The following LCORL variants were observed in gnomAD, a reference collection of about 807,000 sequenced individuals.
LCORL encodes ligand-dependent nuclear receptor corepressor-like protein.
LCORL carries 41 observed loss-of-function variants against 141.8 expected under a neutral mutation model. That is an observed-to-expected ratio of 0.29 (90% confidence interval 0.23 to 0.38). The LOEUF (loss-of-function observed/expected upper bound fraction) is 0.38, where lower values mean the gene tolerates loss of function less well. LCORL is among the 10% of genes least tolerant of loss of function. LCORL has a pLI of 1.00. For missense variants in LCORL, 1,759 were observed against 2,035.0 expected, an observed-to-expected ratio of 0.86 and a Z score of 2.61; for synonymous variants, 618 against 694.1, an observed-to-expected ratio of 0.89 and a Z score of 1.72.
intron 4 of LCORL, among the ~76,000 whole-genome samples, chr4:17,940,408 T>C (rs1333590599): frequency 1.4e-5 from 2 of 147,946 alleles, no homozygotes; most frequent in Non-Finnish European, 3.0e-5. Context: ...GGAAACAAAC[T>C]ATATTAAAAT....
intron 7 of LCORL, among the ~76,000 whole-genome samples, chr4:17,872,602 C>G (rs1222888461): frequency 6.6e-6 from 1 of 152,092 alleles, no homozygotes; most frequent in African/African-American, 2.4e-5. Flanking sequence ...GTCAGTATAA[C>G]TGAGTAAAGG....
chr4:18,014,330 A>G (rs932801289), intron 1 of LCORL, among the ~76,000 whole-genome samples: 1 of 152,184 alleles, frequency 6.6e-6, no homozygotes, highest in South Asian at 2.1e-4. Context: ...CAAATGGGAG[A>G]TACTACAGCT....
At chr4:17,864,859 C>A (rs927789072) in intron 7 of LCORL, among the ~76,000 whole-genome samples, 2 of 152,114 alleles carry the variant, frequency 1.3e-5, no homozygotes, top group African/African-American at 4.8e-5. Context: ...TAGTAGTTAT[C>A]AGATAAATTA....
At chr4:17,964,698 C>T (rs1444010081) in intron 2 of LCORL, among the ~76,000 whole-genome samples, 4 of 152,120 alleles carry the variant, frequency 2.6e-5, no homozygotes, top group African/African-American at 9.7e-5. Flanking sequence ...TGGGACCTCA[C>T]GCTCATGTGA....
chr4:17,913,930 G>C (rs1292954496), intron 4 of LCORL, among the ~76,000 whole-genome samples: 1 of 152,142 alleles, frequency 6.6e-6, no homozygotes, highest in Non-Finnish European at 1.5e-5. Flanking sequence ...GCTTATGTTG[G>C]GAAATAAACT....
chr4:18,008,575 G>A (rs1423771108), intron 1 of LCORL, among the ~76,000 whole-genome samples: 1 of 152,122 alleles, frequency 6.6e-6, no homozygotes, highest in African/African-American at 2.4e-5. Context: ...AGAAAGACTT[G>A]GGCAAGTCAC....
chr4:17,982,115 T>C (rs1292281788), intron 1 of LCORL, among the ~76,000 whole-genome samples: 2 of 146,988 alleles, frequency 1.4e-5, no homozygotes, highest in East Asian at 2.0e-4. Flanking sequence ...TGTGTGTGTG[T>C]GTGTGTGTGT....
intron 1 of LCORL, among the ~76,000 whole-genome samples, chr4:17,980,480 A>T (rs973729291): frequency 2.6e-4 from 39 of 152,182 alleles, no homozygotes; most frequent in African/African-American, 8.9e-4. Flanking sequence ...TAGAATTGTG[A>T]TCCTCTTGTT....
intron 2 of LCORL, among the ~76,000 whole-genome samples, chr4:17,963,416 A>G (rs890343596): frequency 3.9e-5 from 6 of 151,992 alleles, no homozygotes; most frequent in Non-Finnish European, 8.8e-5. Context: ...TGGAGGAAAT[A>G]AACTTTGCAC....
intron 1 of LCORL, among the ~76,000 whole-genome samples, chr4:18,011,429 TAA>T (rs1301468567): frequency 6.0e-5 from 8 of 134,178 alleles, no homozygotes; most frequent in Non-Finnish European, 8.1e-5. Context: ...TTACCCATTT[TAA>T]AAAAAAAAAA....
intron 6 of LCORL, chr4:17,883,609 T>C: frequency 1.5e-6 from 2 of 1,376,466 alleles, no homozygotes; most frequent in Non-Finnish European, 1.9e-6. Context: ...GAGTGAGCAT[T>C]TGTAATTCCC....
chr4:18,000,056 C>T (rs747665507), intron 1 of LCORL, among the ~76,000 whole-genome samples: 22 of 151,160 alleles, frequency 1.5e-4, no homozygotes, highest in Non-Finnish European at 2.7e-4. Flanking sequence ...TAACTCTGCA[C>T]ATCTAACCGA....
intron 4 of LCORL, among the ~76,000 whole-genome samples, chr4:17,942,767 C>T (rs577570950): frequency 6.6e-6 from 1 of 152,094 alleles, no homozygotes; most frequent in East Asian, 1.9e-4. Flanking sequence ...TTATATATTT[C>T]TTGGAGACGT....
intron 2 of LCORL, among the ~76,000 whole-genome samples, chr4:17,968,976 C>CTAA (rs1406722158): frequency 6.6e-6 from 1 of 152,114 alleles, no homozygotes; most frequent in Admixed American, 6.5e-5. Context: ...TTCTACAGGC[C>CTAA]TAATGCATTG....
At chr4:17,948,714 G>T (rs1268550757) in intron 4 of LCORL, among the ~76,000 whole-genome samples, 1 of 151,840 alleles carries the variant, frequency 6.6e-6, no homozygotes, top group Non-Finnish European at 1.5e-5. Flanking sequence ...ACATTTAAGG[G>T]ATGAAACAAA....
chr4:17,861,547 T>A (rs1725015806), intron 7 of LCORL, among the ~76,000 whole-genome samples: 4 of 152,204 alleles, frequency 2.6e-5, no homozygotes, highest in African/African-American at 7.2e-5. Context: ...ACCATGCCTT[T>A]GAGACATTTT....
chr4:17,853,045 CTTGATTTTTT>C (rs1560252552), intron 7 of LCORL, among the ~76,000 whole-genome samples: 3 of 128,560 alleles, frequency 2.3e-5, no homozygotes, highest in Non-Finnish European at 3.3e-5. Flanking sequence ...GTGCTAAAAG[CTTGATTTTTT>C]TTTTTTTTTT....
At chr4:17,960,303 TTGAA>T (rs1713522864) in intron 4 of LCORL, 2 of 154,326 alleles carry the variant, frequency 1.3e-5, no homozygotes, top group Admixed American at 6.5e-5. Context: ...ACCCAGATGC[TTGAA>T]TCAGCTGAAA....
intron 4 of LCORL, among the ~76,000 whole-genome samples, chr4:17,913,284 G>A (rs985839850): frequency 6.6e-6 from 1 of 152,124 alleles, no homozygotes; most frequent in Non-Finnish European, 1.5e-5. Context: ...AGACCATTGC[G>A]ACCAGATCAG....
Sources: gnomAD v4.1 joint callset for allele counts (sites outside exome capture counted in the v4.1 genomes callset) on GRCh38, gnomAD v4.1.1 for gene constraint, MANE v1.5 for transcripts, NCBI Gene and HGNC (gene_info 2026-07-23, HGNC 2026-07-21) for gene names.